The following ITPKB variants were observed in gnomAD, a reference collection of about 807,000 sequenced individuals.
The protein encoded by ITPKB is inositol-trisphosphate 3-kinase B, also known as IP3 3-kinase B.
In ITPKB, 13 loss-of-function variants were observed where a neutral mutation model predicts 69.4. The ratio of observed to expected loss-of-function variants is 0.19; its 90% confidence interval spans 0.12 to 0.30. ITPKB has a LOEUF of 0.30. Ranked by LOEUF, ITPKB falls within the 10% of genes least tolerant of loss-of-function variation. ITPKB has a pLI of 1.00. For missense variants in ITPKB, 1,240 were observed against 1,250.5 expected (o/e 0.99, Z 0.13); for synonymous variants, 584 against 513.7 (o/e 1.14, Z -1.85).
In ITPKB at chr1:226,642,166, G is replaced by C. The variant is rs754775076; in HGVS notation, c.2247-41C>G. On this transcript the variant is annotated intron_variant, in intron 4 of 7. Transcript: ENST00000429204. This position sits in a 1 kb window ranked among gnomAD's most constrained non-coding sequence, Gnocchi z 6.4. ...GGCGACATGAGGGCCGAGGCCTGGGGCAGGGCTCACCAGCAGCTCCTTTCC... is the reference window on the plus strand; with the variant it reads ...GGCGACATGAGGGCCGAGGCCTGGGCCAGGGCTCACCAGCAGCTCCTTTCC... The C allele has an allele frequency of 2.6e-6, 4 of 1,536,910 alleles. No homozygotes were observed. Among genetic ancestry groups the C allele is most frequent in the Non-Finnish European group, 3.6e-6 (4 of 1,121,488 alleles).
Position 226,737,591 on chromosome 1 carries a change from T to A in ITPKB, c.-133A>T. 2 of 1,178,368 alleles carry A rather than the reference T, an allele frequency of 1.7e-6. No homozygotes were observed. Among genetic ancestry groups the A allele is most frequent in the Non-Finnish European group, 2.1e-6 (2 of 955,618 alleles). The allele number at this position is 1,178,368 out of a possible 1,614,324, so 73.0% of individuals were successfully genotyped here. On this transcript the variant is annotated 5_prime_UTR_variant, in exon 2 of 8. An upstream start codon of the reference 5' UTR is lost. Coordinates refer to ENST00000429204, the MANE Select transcript of ITPKB (RefSeq NM_002221.4). ...GGCTCCGCGCGCAGATGGGGCGGCA[T>A]GGCCTGGGCAGCGGGCTGGGGGCAC...
intron 6 of ITPKB, among the ~76,000 whole-genome samples, chr1:226,639,121 A>T (rs942769625): frequency 6.6e-6 from 1 of 150,568 alleles, no homozygotes; most frequent in African/African-American, 2.4e-5. Flanking sequence ...GCAATGGCAA[A>T]ATCTCAGCTC....
chr1:226,661,134 C>G (rs1242255653), intron 2 of ITPKB, among the ~76,000 whole-genome samples: 1 of 152,202 alleles, frequency 6.6e-6, no homozygotes, highest in Admixed American at 6.5e-5. Flanking sequence ...GGACTCAGCC[C>G]CATCTCCACC....
chr1:226,737,054 C>T lies in ITPKB; in HGVS notation c.405G>A (p.Gln135=), dbSNP rs781198136. 5.0e-6 allele frequency: 8 copies of T among 1,611,956 alleles called. No homozygotes were observed. Among genetic ancestry groups the T allele is most frequent in the Non-Finnish European group, 5.9e-6 (7 of 1,179,930 alleles). ...EEAKRKLRIL[Q]RELQNVQVNQ... ...TCACCTGCACGTTCTGCAACTCGCG[C>T]TGCAAGATCCGCAGCTTCCTCTTGG... The change falls in exon 2 of 8, where the codon CAG becomes CAA. Residue 135 remains glutamine (Q), a synonymous_variant. Transcript: ENST00000429204.
intron 2 of ITPKB, among the ~76,000 whole-genome samples, chr1:226,649,424 AGTGTGTGCGT>A (rs1457563193): frequency 6.9e-6 from 1 of 144,040 alleles, no homozygotes; most frequent in Non-Finnish European, 1.5e-5. Flanking sequence ...TATGTGCATG[AGTGTGTGCGT>A]ATGTGTGCGT....
At chr1:226,724,135 A>T (rs559896303) in intron 2 of ITPKB, among the ~76,000 whole-genome samples, 10 of 152,030 alleles carry the variant, frequency 6.6e-5, no homozygotes, top group African/African-American at 2.2e-4. Flanking sequence ...CATTATCCTC[A>T]TGTTAGAGAT....
chr1:226,734,102 A>G (rs2102652192), intron 2 of ITPKB, among the ~76,000 whole-genome samples: 1 of 152,324 alleles, frequency 6.6e-6, no homozygotes, highest in Non-Finnish European at 1.5e-5. Context: ...AGAAAGAAGT[A>G]TTTCCCACCT....
chr1:226,633,368 A>G lies in ITPKB; in HGVS notation c.*1303T>C, dbSNP rs1263379350. The G allele has an allele frequency of 2.6e-5, 4 of 152,242 alleles. No homozygotes were observed. 9.4% of individuals were successfully genotyped at this position (152,242 alleles called of 1,614,324 possible). On this transcript the variant is annotated 3_prime_UTR_variant, in exon 8 of 8. Coordinates refer to ENST00000429204, the MANE Select transcript of ITPKB (RefSeq NM_002221.4). ...GCAAAGGAGTGGGTGGCAAGCCCCAAGGAGCATGGGGCACAGAGCTGGGGG... is the reference window on the plus strand; with the variant it reads ...GCAAAGGAGTGGGTGGCAAGCCCCAGGGAGCATGGGGCACAGAGCTGGGGG...
intron 2 of ITPKB, among the ~76,000 whole-genome samples, chr1:226,733,912 T>C (rs1001617572): frequency 6.6e-6 from 1 of 152,326 alleles, no homozygotes; most frequent in African/African-American, 2.4e-5. Context: ...CCAATAGAAG[T>C]TGCTAATCTA....
At chr1:226,687,636 C>T (rs1283802489) in intron 2 of ITPKB, among the ~76,000 whole-genome samples, 1 of 152,224 alleles carries the variant, frequency 6.6e-6, no homozygotes, top group African/African-American at 2.4e-5. Context: ...TTCCATGAAA[C>T]TGCAGCCCCA....
intron 2 of ITPKB, among the ~76,000 whole-genome samples, chr1:226,664,611 C>A (rs1428205994): frequency 6.6e-6 from 1 of 152,164 alleles, no homozygotes; most frequent in South Asian, 2.1e-4. Flanking sequence ...TTCTAGGGAA[C>A]AGAACCAGCT....
chr1:226,691,453 C>G (rs1445453687), intron 2 of ITPKB, among the ~76,000 whole-genome samples: 2 of 152,014 alleles, frequency 1.3e-5, no homozygotes, highest in Non-Finnish European at 2.9e-5. Flanking sequence ...TAAAATCGGC[C>G]CCAGAAAATC....
chr1:226,693,224 CA>C (rs1243615669), intron 2 of ITPKB, among the ~76,000 whole-genome samples: 3 of 152,162 alleles, frequency 2.0e-5, no homozygotes, highest in Admixed American at 1.3e-4. Context: ...TAGTGACAGC[CA>C]AAAACTCAGA....
intron 2 of ITPKB, among the ~76,000 whole-genome samples, chr1:226,721,211 G>GGT (rs1657231248): frequency 1.3e-5 from 2 of 150,964 alleles, no homozygotes; most frequent in East Asian, 4.0e-4. Flanking sequence ...AGCCAGGCGT[G>GGT]GTGGCACATG....
intron 2 of ITPKB, among the ~76,000 whole-genome samples, chr1:226,722,659 G>A (rs904192591): frequency 1.3e-5 from 2 of 151,138 alleles, no homozygotes; most frequent in Non-Finnish European, 2.9e-5. Flanking sequence ...ACACTGCCAC[G>A]TGCTAACAAG....
At chr1:226,694,544 C>T (rs1029891009) in intron 2 of ITPKB, among the ~76,000 whole-genome samples, 1 of 152,240 alleles carries the variant, frequency 6.6e-6, no homozygotes, top group Admixed American at 6.5e-5. Context: ...TACTTTTACA[C>T]ATCTTATCTC....
intron 2 of ITPKB, among the ~76,000 whole-genome samples, chr1:226,662,036 G>C (rs992151046): frequency 6.6e-6 from 1 of 152,168 alleles, no homozygotes; most frequent in African/African-American, 2.4e-5. Context: ...CTTTCTAGTC[G>C]GGTGTGAGAG....
intron 2 of ITPKB, among the ~76,000 whole-genome samples, chr1:226,683,518 T>C (rs987449955): frequency 1.3e-5 from 2 of 152,086 alleles, no homozygotes; most frequent in Non-Finnish European, 2.9e-5. Context: ...CAAGAACCCA[T>C]TCTTCTCCAC....
At chr1:226,656,776 T>C (rs896867651) in intron 2 of ITPKB, 1 of 152,202 alleles carries the variant, frequency 6.6e-6, no homozygotes, top group South Asian at 2.1e-4. Flanking sequence ...AGCTGCAGCA[T>C]GGGCAAACCT....
Sources: allele counts gnomAD v4.1 joint callset (sites outside exome capture counted in the v4.1 genomes callset), GRCh38; gene constraint gnomAD v4.1.1; non-coding constraint Gnocchi (gnomAD v3.1); transcripts MANE v1.5; gene names NCBI Gene and HGNC (gene_info 2026-07-23, HGNC 2026-07-21).